PLA2G4D: variants seen among roughly 807,000 people sequenced by gnomAD.
The protein encoded by PLA2G4D is cytosolic phospholipase A2 delta.
PLA2G4D carries 80 observed loss-of-function variants against 94.4 expected under a neutral mutation model. The ratio of observed to expected loss-of-function variants is 0.85; its 90% confidence interval spans 0.71 to 1.02. The LOEUF (loss-of-function observed/expected upper bound fraction) is 1.02. PLA2G4D is among the 50% of genes least tolerant of loss of function. The pLI is 0.00. For synonymous variants in PLA2G4D, 438 were observed against 440.9 expected (o/e 0.99, Z 0.08); for missense variants, 1,050 against 1,034.7 (o/e 1.01, Z -0.20).
intron 13 of PLA2G4D, among the ~76,000 whole-genome samples, chr15:42,075,206 T>A (rs1050134505): frequency 6.6e-6 from 1 of 152,216 alleles, no homozygotes; most frequent in Non-Finnish European, 1.5e-5. Flanking sequence ...AATTAAAAAA[T>A]GTCTTCTAAA....
rs145239333 is a variant in PLA2G4D at position 42,085,770 on chromosome 15, C to T, written c.388-239G>A. 7.2e-5 allele frequency among the ~76,000 whole-genome samples: 11 copies of T among 152,360 alleles called. No homozygotes were observed. In the East Asian group the frequency reaches 1.2e-3, roughly 16 times the overall value. Reference sequence around the variant, plus strand: ...AGGTCTCCCTCCCTTGGAGGTCCCACAACTCTGGGCAAGACTGAAGGGGAA... The same window carrying T: ...AGGTCTCCCTCCCTTGGAGGTCCCATAACTCTGGGCAAGACTGAAGGGGAA... On this transcript the variant is annotated intron_variant, in intron 4 of 19. Transcript: ENST00000290472.
Position 42,086,194 on chromosome 15 carries a change from T to TTGGGGGGGGGGGGGGGGCGCG in PLA2G4D, c.387+18_387+19insCGCGCCCCCCCCCCCCCCCCA. 1 of 1,370,444 alleles carries TTGGGGGGGGGGGGGGGGCGCG rather than the reference T, an allele frequency of 7.3e-7. No individual in the cohort carries two copies. The highest frequency in any genetic ancestry group is 9.6e-7 in the Non-Finnish European group (1 of 1,043,084). The allele number at this position is 1,370,444 out of a possible 1,614,324, so 84.9% of individuals were successfully genotyped here. A position where few individuals can be genotyped will look rare whatever the true frequency, so the allele number is the denominator to read the frequency against. Reference sequence around the variant, plus strand: ...GGAAGAAGTGGGGCCCACGGGGACTTCCCCACCCACCCACCCACCTGGGGA... The same window carrying TTGGGGGGGGGGGGGGGGCGCG: ...GGAAGAAGTGGGGCCCACGGGGACTTTGGGGGGGGGGGGGGGGCGCGCCCCACCCACCCACCCACCTGGGGA... On this transcript the variant is annotated intron_variant, in intron 4 of 19. Transcript: ENST00000290472.
intron 1 of PLA2G4D, among the ~76,000 whole-genome samples, chr15:42,091,596 G>C (rs1340774598): frequency 3.6e-5 from 2 of 55,186 alleles, no homozygotes; most frequent in African/African-American, 7.6e-5. Flanking sequence ...CCCTTTCCCC[G>C]GGGGAGTTAG....
intron 13 of PLA2G4D, among the ~76,000 whole-genome samples, chr15:42,077,033 T>G (rs145932616): frequency 1.4e-4 from 21 of 152,132 alleles, no homozygotes; most frequent in African/African-American, 5.1e-4. Context: ...GATTGAACCA[T>G]GAAGAAACAG....
rs1889797881 is a variant in PLA2G4D at position 42,070,872 on chromosome 15, C to G, written c.1888G>C (p.Asp630His). ...GGGGTCAGCTGGCTGGGCATGGAGTCAAGCTGGTAGTCTGGTGGGAATCGC... is the reference window on the plus strand; with the variant it reads ...GGGGTCAGCTGGCTGGGCATGGAGTGAAGCTGGTAGTCTGGTGGGAATCGC... ...DFSTWADYQL[D>H]SMPSQLTPKE... The change falls in exon 18 of 20, where the codon GAC becomes CAC. Residue 630 changes from aspartate (D) to histidine (H), a missense_variant. Coordinates refer to ENST00000290472, the MANE Select transcript of PLA2G4D (RefSeq NM_178034.4). 1.2e-6 allele frequency: 2 copies of G among 1,611,528 alleles called. No individual in the cohort carries two copies. The highest frequency in any genetic ancestry group is 1.7e-6 in the Non-Finnish European group (2 of 1,179,090).
chr15:42,090,205 T>C (rs1890224244), intron 1 of PLA2G4D, among the ~76,000 whole-genome samples: 1 of 151,168 alleles, frequency 6.6e-6, no homozygotes, highest in South Asian at 2.1e-4. Flanking sequence ...AAATAATAGT[T>C]TTGACCTCAC....
At chr15:42,078,843 G>C (rs934472515) in intron 13 of PLA2G4D, among the ~76,000 whole-genome samples, 1 of 152,136 alleles carries the variant, frequency 6.6e-6, no homozygotes, top group Non-Finnish European at 1.5e-5. Flanking sequence ...AAACAACAGC[G>C]TGAAAAAATA....
chr15:42,086,194 T>TGGGGGGGCGGCC lies in PLA2G4D; in HGVS notation c.387+18_387+19insGGCCGCCCCCCC. The stretch of plus-strand genomic sequence containing the variant: ...GGAAGAAGTGGGGCCCACGGGGACT[T>TGGGGGGGCGGCC]CCCCACCCACCCACCCACCTGGGGA... On this transcript the variant is annotated intron_variant, in intron 4 of 19. Transcript: ENST00000290472. The TGGGGGGGCGGCC allele has an allele frequency of 7.3e-7, 1 of 1,370,444 alleles. No individual in the cohort carries two copies. Among genetic ancestry groups the TGGGGGGGCGGCC allele is most frequent in the Non-Finnish European group, 9.6e-7 (1 of 1,043,084 alleles). The allele number at this position is 1,370,444 out of a possible 1,614,324, so 84.9% of individuals were successfully genotyped here.
In PLA2G4D at chr15:42,081,889, T is replaced by A. The variant is rs957951208; in HGVS notation, c.784-55A>T. 3 of 1,584,180 alleles carry A rather than the reference T, an allele frequency of 1.9e-6. No individual in the cohort carries two copies. In the African/African-American group the frequency reaches 4.1e-5, roughly 21 times the overall value. On this transcript the variant is annotated intron_variant, in intron 9 of 19. Transcript: ENST00000290472. ...ACCCTCCTAGACCCTAAGCGGCACATGGGTATCCCTGGGGACTTGGTCCCC... is the reference window on the plus strand; with the variant it reads ...ACCCTCCTAGACCCTAAGCGGCACAAGGGTATCCCTGGGGACTTGGTCCCC...
Position 42,093,278 on chromosome 15 carries a change from G to C in PLA2G4D, c.45+1137C>G, listed in dbSNP as rs1026073182. ...GGAGGCGAGGTGCTTTCCAGGTGTGGGGCCGACTGAGGCTCCCAAATTGCT... is the reference window on the plus strand; with the variant it reads ...GGAGGCGAGGTGCTTTCCAGGTGTGCGGCCGACTGAGGCTCCCAAATTGCT... On this transcript the variant is annotated intron_variant, in intron 1 of 19. Transcript: ENST00000290472. 2.6e-5 allele frequency among the ~76,000 whole-genome samples: 4 copies of C among 152,226 alleles called. No homozygotes were observed. The South Asian group carries it at 8.3e-4, about 32-fold the overall frequency.
rs1890152563 is a variant in PLA2G4D at position 42,086,490 on chromosome 15, AAAACTT to A, written c.256-152_256-147del. On this transcript the variant is annotated intron_variant, in intron 3 of 19. Transcript: ENST00000290472. ...GCTTCAAAATAAAAAAAAAAACTGT[AAAACTT>A]AAATATAAGGAAATCTTATTAAATT... 2.6e-5 allele frequency: 20 copies of A among 762,784 alleles called. 1 individual carries two copies. In the South Asian group the frequency reaches 3.5e-4, roughly 13 times the overall value. 47.3% of individuals were successfully genotyped at this position (762,784 alleles called of 1,614,324 possible). A position where few individuals can be genotyped will look rare whatever the true frequency, so the allele number is the denominator to read the frequency against.
At chr15:42,075,626 C>T (rs1016524469) in intron 13 of PLA2G4D, among the ~76,000 whole-genome samples, 1 of 152,158 alleles carries the variant, frequency 6.6e-6, no homozygotes, top group Non-Finnish European at 1.5e-5. Context: ...GTGGCTCACA[C>T]CTGTAATCCC....
chr15:42,084,651 C>A lies in PLA2G4D; in HGVS notation c.471+445G>T, dbSNP rs1045499683. Among the ~76,000 whole-genome samples the A allele has an allele frequency of 4.6e-5, 7 of 152,180 alleles. No homozygotes were observed. The highest frequency in any genetic ancestry group is 1.7e-4 in the African/African-American group (7 of 41,438). On this transcript the variant is annotated intron_variant, in intron 6 of 19. Transcript: ENST00000290472. This position sits in a 1 kb window ranked among gnomAD's most constrained non-coding sequence, Gnocchi z 4.8. ...CTCCCCAGTCCCAAGGAGGAGCTAG[C>A]TGCCTGAGCCTCTGATCCTCCTAGG...
At chr15:42,070,610 C>T in intron 18 of PLA2G4D, 107 bp downstream of exon 18, 14 of 1,323,288 alleles carry the variant, frequency 1.1e-5, no homozygotes, top group Non-Finnish European at 1.4e-5. Flanking sequence ...ACCTCTCCTT[C>T]CCTTCGGGAC....
In PLA2G4D at chr15:42,068,326, T is replaced by A. The variant is rs1361892729; in HGVS notation, c.*389A>T. 4.7e-6 allele frequency: 1 copy of A among 212,364 alleles called. No individual in the cohort carries two copies. Among genetic ancestry groups the A allele is most frequent in the African/African-American group, 2.3e-5 (1 of 43,096 alleles). 13.2% of individuals were successfully genotyped at this position (212,364 alleles called of 1,614,324 possible). ...AGATGAGGAGGCAATGTGTTCAGGA[T>A]GTCTTGTGATTCCCGAGGCCTGAAG... On this transcript the variant is annotated 3_prime_UTR_variant, in exon 20 of 20. Transcript: ENST00000290472.
At chr15:42,079,817 ACTCCTGCTTCC>A in intron 12 of PLA2G4D, 58 bp from the exon 13 acceptor site, 1 of 1,519,174 alleles carries the variant, frequency 6.6e-7, no homozygotes, top group Non-Finnish European at 8.9e-7. Flanking sequence ...GGGCGCTGCA[ACTCCTGCTTCC>A]CACTCGGCAG....
chr15:42,094,226 C>T (rs1183735203), intron 1 of PLA2G4D, among the ~76,000 whole-genome samples, 189 bp downstream of exon 1: 3 of 152,168 alleles, frequency 2.0e-5, no homozygotes, highest in Admixed American at 1.3e-4. Context: ...ACCAGACTCA[C>T]GTTTCCCAGC....
At chr15:42,080,958 CCT>C (rs1354753277) in intron 12 of PLA2G4D, 37 bp downstream of exon 12, 1 of 1,605,306 alleles carries the variant, frequency 6.2e-7, no homozygotes, top group Non-Finnish European at 8.5e-7. Flanking sequence ...CGCTATGGCC[CCT>C]GATTGTCTCT....
chr15:42,086,194 T>TTCCCCCCCCCCCCCCCCCCCC lies in PLA2G4D; in HGVS notation c.387+18_387+19insGGGGGGGGGGGGGGGGGGGGA. On this transcript the variant is annotated intron_variant, in intron 4 of 19. Coordinates refer to ENST00000290472, the MANE Select transcript of PLA2G4D (RefSeq NM_178034.4). ...GGAAGAAGTGGGGCCCACGGGGACT[T>TTCCCCCCCCCCCCCCCCCCCC]CCCCACCCACCCACCCACCTGGGGA... 9.5e-6 allele frequency: 13 copies of TTCCCCCCCCCCCCCCCCCCCC among 1,370,444 alleles called. No individual in the cohort carries two copies. The highest frequency in any genetic ancestry group is 3.0e-5 in the South Asian group (2 of 66,866). The allele number at this position is 1,370,444 out of a possible 1,614,324, so 84.9% of individuals were successfully genotyped here.
Sources: gnomAD v4.1 joint callset for allele counts (sites outside exome capture counted in the v4.1 genomes callset) on GRCh38, gnomAD v4.1.1 for gene constraint, Gnocchi (gnomAD v3.1) non-coding constraint, MANE v1.5 for transcripts, NCBI Gene and HGNC (gene_info 2026-07-23, HGNC 2026-07-21) for gene names.